Variants in FRMPD4 observed in about 807,000 individuals in gnomAD.
FRMPD4 encodes FERM and PDZ domain containing 4.
In FRMPD4, 22 loss-of-function variants were observed where a neutral mutation model predicts 94.1. The observed-to-expected ratio is 0.23, with a 90% CI of 0.17 to 0.33. The LOEUF (loss-of-function observed/expected upper bound fraction) is 0.33. FRMPD4 is among the 10% of genes least tolerant of loss of function. The pLI is 1.00. For synonymous variants in FRMPD4, 631 were observed against 548.6 expected, an observed-to-expected ratio of 1.15 and a Z score of -2.10; for missense variants, 1,111 against 1,339.9, an observed-to-expected ratio of 0.83 and a Z score of 2.67.
At chrX:11,901,562 C>T (rs1056155556) in intron 3 of FRMPD4, among the ~76,000 whole-genome samples, 3 of 112,088 alleles carry the variant, frequency 2.7e-5, no homozygotes, top group African/African-American at 6.5e-5. Flanking sequence ...ATAAACCATG[C>T]GTGTGCATGT....
At chrX:12,055,396 C>G (rs749234541) in intron 3 of FRMPD4, among the ~76,000 whole-genome samples, 1 of 111,200 alleles carries the variant, frequency 9.0e-6, no homozygotes, top group African/African-American at 3.3e-5. Flanking sequence ...TGAATTCTCA[C>G]GAGATCCAGT....
intron 4 of FRMPD4, among the ~76,000 whole-genome samples, chrX:12,629,695 AAG>A (rs896725918): frequency 8.9e-6 from 1 of 112,324 alleles, no homozygotes; most frequent in African/African-American, 3.2e-5. Context: ...CAAATTACTT[AAG>A]TCTCAGGGTC....
chrX:12,657,341 G>T (rs992329660), intron 4 of FRMPD4, among the ~76,000 whole-genome samples: 20 of 111,209 alleles, frequency 1.8e-4, no homozygotes, highest in Non-Finnish European at 5.7e-5. Context: ...TTGGACTGAG[G>T]GCCTCAGTTT....
chrX:12,525,434 C>T (rs1316213007), intron 2 of FRMPD4, among the ~76,000 whole-genome samples: 1 of 111,819 alleles, frequency 8.9e-6, no homozygotes, highest in South Asian at 3.8e-4. Flanking sequence ...TCTCATTAAA[C>T]AGATTTTTTT....
At chrX:12,157,962 G>A (rs752668870) in intron 1 of FRMPD4, among the ~76,000 whole-genome samples, 1 of 112,172 alleles carries the variant, frequency 8.9e-6, no homozygotes, top group Admixed American at 9.4e-5. Flanking sequence ...TTGTGTGTTT[G>A]TGTGTATACA....
rs138299368 is a variant in FRMPD4 at position 12,717,704 on chromosome X, G to A, written c.2878G>A (p.Ala960Thr). 3.0e-4 allele frequency: 365 copies of A among 1,209,454 alleles called. 1 individual carries two copies. Among genetic ancestry groups the A allele is most frequent in the Middle Eastern group, 2.3e-3 (10 of 4,354 alleles). The stretch of plus-strand genomic sequence containing the variant: ...CGAGTTCCCGGCCTCCAAGACCCCC[G>A]CTGGGGGCTTGCCTCCAAAGTCCTC... ...QTEFPASKTP[A>T]GGLPPKSSHA... Residue 960 changes from alanine (A) to threonine (T), a missense_variant, in exon 16 of 17, where the codon GCT becomes ACT. Ala to Thr is a moderately conservative substitution (Grantham distance 58, BLOSUM62 0). Coordinates refer to ENST00000675598, the MANE Select transcript of FRMPD4 (RefSeq NM_001368397.1).
chrX:12,106,835 G>C (rs1446910727), intron 3 of FRMPD4, among the ~76,000 whole-genome samples: 1 of 111,096 alleles, frequency 9.0e-6, no homozygotes, highest in African/African-American at 3.3e-5. Flanking sequence ...CTGCAAGGTG[G>C]CAGCGAGGCT....
At chrX:12,334,936 C>CAAT (rs2055493358) in intron 1 of FRMPD4, among the ~76,000 whole-genome samples, 2 of 110,596 alleles carry the variant, frequency 1.8e-5, no homozygotes, top group Admixed American at 1.9e-4. Context: ...TGCATCCTCT[C>CAAT]AATAACACTA....
intron 2 of FRMPD4, among the ~76,000 whole-genome samples, chrX:12,577,352 G>A (rs2058821827): frequency 9.0e-6 from 1 of 111,012 alleles, no homozygotes; most frequent in African/African-American, 3.3e-5. Flanking sequence ...ATGGAGTGGG[G>A]AGATGCTATT....
At chrX:12,240,912 G>A (rs2057122272) in intron 1 of FRMPD4, among the ~76,000 whole-genome samples, 1 of 112,216 alleles carries the variant, frequency 8.9e-6, no homozygotes, top group African/African-American at 3.2e-5. Context: ...TTTCATTGGT[G>A]TAGTAAATTT....
At chrX:11,883,743 A>G in intron 3 of FRMPD4, among the ~76,000 whole-genome samples, 1 of 112,156 alleles carries the variant, frequency 8.9e-6, no homozygotes, top group South Asian at 3.7e-4. Flanking sequence ...AGTAATTGTC[A>G]AGGACACTTC....
In FRMPD4 at chrX:12,227,502, T is replaced by C. The variant is rs1441168101; in HGVS notation, c.41+88490T>C. Among the ~76,000 whole-genome samples the C allele has an allele frequency of 2.7e-5, 3 of 111,763 alleles. No homozygotes were observed. The East Asian group carries it at 8.4e-4, about 31-fold the overall frequency. ...GAGATCCAACAGAATACAGGTTAGATTGAGAATGGCTTTTGTGGCCAGGTG... is the reference window on the plus strand; with the variant it reads ...GAGATCCAACAGAATACAGGTTAGACTGAGAATGGCTTTTGTGGCCAGGTG... On this transcript the variant is annotated intron_variant, in intron 1 of 16. Transcript: ENST00000675598.
intron 3 of FRMPD4, among the ~76,000 whole-genome samples, chrX:11,960,773 A>C (rs1370792491): frequency 1.8e-5 from 2 of 112,125 alleles, no homozygotes; most frequent in Non-Finnish European, 3.8e-5. Flanking sequence ...CCATGGAAGC[A>C]ACCTGGTTCT....
At chrX:11,894,065 T>A (rs1461105769) in intron 3 of FRMPD4, among the ~76,000 whole-genome samples, 1 of 111,736 alleles carries the variant, frequency 8.9e-6, no homozygotes, top group Non-Finnish European at 1.9e-5. Flanking sequence ...AGTTAAGAAA[T>A]GCCTGTGGAC....
At chrX:11,935,246 G>GTT (rs1217279102) in intron 3 of FRMPD4, among the ~76,000 whole-genome samples, 1 of 6,156 alleles carries the variant, frequency 1.6e-4, no homozygotes, top group African/African-American at 7.2e-4. Flanking sequence ...GCTTTGTTTT[G>GTT]TTGTTTTTTT....
At chrX:12,501,088 C>T (rs971877135) in intron 2 of FRMPD4, among the ~76,000 whole-genome samples, 3 of 112,108 alleles carry the variant, frequency 2.7e-5, no homozygotes, top group Admixed American at 9.4e-5. Context: ...GTTCTGGGAA[C>T]GTCAGCTAGC....
At chrX:12,684,845 G>A (rs924178594) in intron 6 of FRMPD4, among the ~76,000 whole-genome samples, 2 of 112,377 alleles carry the variant, frequency 1.8e-5, no homozygotes, top group African/African-American at 6.5e-5. Flanking sequence ...CAGGACTCCT[G>A]CAAGGCAGCT....
intron 1 of FRMPD4, among the ~76,000 whole-genome samples, chrX:12,246,842 T>C (rs1275446327): frequency 9.0e-6 from 1 of 111,514 alleles, no homozygotes; most frequent in African/African-American, 3.3e-5. Context: ...TCATCATATC[T>C]GCCAAGATAA....
intron 3 of FRMPD4, among the ~76,000 whole-genome samples, chrX:11,916,373 A>G (rs2054024801): frequency 9.0e-6 from 1 of 111,300 alleles, no homozygotes; most frequent in African/African-American, 3.3e-5. Flanking sequence ...GACCATATCA[A>G]AGATAACTAT....
Sources: allele counts gnomAD v4.1 joint callset (sites outside exome capture counted in the v4.1 genomes callset), GRCh38; gene constraint gnomAD v4.1.1; transcripts MANE v1.5; gene names NCBI Gene and HGNC (gene_info 2026-07-23, HGNC 2026-07-21).